Variants in RILPL2 observed in about 807,000 individuals in gnomAD.
The protein encoded by RILPL2 is Rab interacting lysosomal protein like 2.
RILPL2 carries 19 observed loss-of-function variants against 22.2 expected under a neutral mutation model. That is an observed-to-expected ratio of 0.86 (90% CI 0.60 to 1.25). The LOEUF (loss-of-function observed/expected upper bound fraction) is 1.25. RILPL2 is among the 50% of genes most tolerant of loss of function. RILPL2 has a pLI of 0.00. For missense variants in RILPL2, 243 were observed against 263.6 expected (o/e 0.92, Z 0.54); for synonymous variants, 123 against 111.6 (o/e 1.10, Z -0.64).
chr12:123,427,226 G>T (rs1437591127), intron 2 of RILPL2, among the ~76,000 whole-genome samples: 1 of 152,112 alleles, frequency 6.6e-6, no homozygotes, highest in African/African-American at 2.4e-5. Context: ...GGTGCGCCCT[G>T]GTTCTCCTTC....
the RILPL2 span, chr12:123,409,334 A>G: frequency 1.3e-5 from 2 of 152,190 alleles, no homozygotes; most frequent in Admixed American, 6.6e-5. Flanking sequence ...AAACAAATTA[A>G]AATATTTATT....
At chr12:123,426,689 C>T (rs1271503065) in intron 2 of RILPL2, among the ~76,000 whole-genome samples, 1 of 151,430 alleles carries the variant, frequency 6.6e-6, no homozygotes, top group Non-Finnish European at 1.5e-5. Flanking sequence ...CAGGCTCTGC[C>T]CCCCGGGGCT....
At chr12:123,425,039 C>T (rs1163249214) in intron 2 of RILPL2, among the ~76,000 whole-genome samples, 1 of 151,636 alleles carries the variant, frequency 6.6e-6, no homozygotes, top group African/African-American at 2.4e-5. Flanking sequence ...GCCACCACGC[C>T]CGGCTAATTT....
chr12:123,416,523 C>A (rs926473706), intron 3 of RILPL2, among the ~76,000 whole-genome samples: 1 of 151,754 alleles, frequency 6.6e-6, no homozygotes, highest in Non-Finnish European at 1.5e-5. Flanking sequence ...CCTGTAGTCC[C>A]AGCTGCCTCG....
At chr12:123,429,614 G>A (rs939053392) in intron 2 of RILPL2, among the ~76,000 whole-genome samples, 3 of 147,256 alleles carry the variant, frequency 2.0e-5, no homozygotes, top group African/African-American at 7.5e-5. Context: ...GTTTTGTTTC[G>A]TTTTTTTTTT....
rs1266188530 is a variant in RILPL2 at position 123,436,368 on chromosome 12, T to A, written c.53A>T (p.Glu18Val). 6.4e-6 allele frequency: 10 copies of A among 1,554,008 alleles called. No homozygotes were observed. The highest frequency in any genetic ancestry group is 7.8e-6 in the Non-Finnish European group (9 of 1,148,594). Residue 18 changes from glutamate (E) to valine (V), a missense_variant, in exon 1 of 4, where the codon GAG becomes GTG. Glu to Val is a moderately radical substitution (Grantham distance 121). Transcript: ENST00000280571. This position sits in a 1 kb window ranked among gnomAD's most constrained non-coding sequence, Gnocchi z 6.7. ...CTCGGGCCCAACCTCGTCCCTCTCC[T>A]CGTCCTCCTCTCCCTCCTCCTCTTC... Reference protein sequence around the residue: ...EEEEEEGEEDEERDEVGPEGA... With the variant: ...EEEEEEGEEDVERDEVGPEGA...
downstream of RILPL2, chr12:123,413,621 GAAC>G (rs1419338610): frequency 6.6e-6 from 1 of 152,246 alleles, no homozygotes; most frequent in Non-Finnish European, 1.5e-5. Flanking sequence ...AAGAACAAAA[GAAC>G]AAAGCTTCCA....
At chr12:123,428,573 T>A (rs1308028411) in intron 2 of RILPL2, among the ~76,000 whole-genome samples, 1 of 152,220 alleles carries the variant, frequency 6.6e-6, no homozygotes, top group Non-Finnish European at 1.5e-5. Context: ...ATTTAAGGCA[T>A]TTAAAGAATC....
chr12:123,430,364 G>C (rs557066368), intron 2 of RILPL2, 144 bp downstream of exon 2: 131 of 623,368 alleles, frequency 2.1e-4, no homozygotes, highest in Middle Eastern at 6.1e-4. Flanking sequence ...AGCCGAGATC[G>C]CGCCACTGCA....
At chr12:123,418,756 C>CTTTTTTT (rs1202023726) in intron 3 of RILPL2, among the ~76,000 whole-genome samples, 9 of 96,248 alleles carry the variant, frequency 9.4e-5, no homozygotes, top group Admixed American at 2.5e-4. Context: ...CTTTTTCTTT[C>CTTTTTTT]TTTTTTTTTT....
At chr12:123,431,956 A>G (rs1048731543) in intron 1 of RILPL2, among the ~76,000 whole-genome samples, 5 of 151,248 alleles carry the variant, frequency 3.3e-5, no homozygotes, top group Non-Finnish European at 5.9e-5. Flanking sequence ...GTGCGGTGGC[A>G]TGATCTCAGC....
chr12:123,420,871 G>A (rs999994502), intron 3 of RILPL2, among the ~76,000 whole-genome samples: 2 of 152,036 alleles, frequency 1.3e-5, no homozygotes, highest in African/African-American at 2.4e-5. Flanking sequence ...AAATAGATGC[G>A]GCTTCAGGTC....
At position 123,436,227 on chromosome 12, in the gene RILPL2, T is replaced by A; in HGVS notation, c.194A>T (p.Gln65Leu). The A allele has an allele frequency of 6.2e-7, 1 of 1,612,568 alleles. No homozygotes were observed. Among genetic ancestry groups the A allele is most frequent in the Non-Finnish European group, 8.5e-7 (1 of 1,179,418 alleles). ...LGSDPRVTQL[Q>L]FKVVRVLEML... ...CTCCAGGACGCGGACGACTTTGAAC[T>A]GCAGCTGCGTCACCCGGGGGTCGCT... Residue 65 changes from glutamine to leucine, a missense_variant, in exon 1 of 4, where the codon CAG (glutamine) becomes CTG (leucine). Physicochemically the swap from Gln to Leu is moderately radical, Grantham distance 113. Coordinates refer to ENST00000280571, the MANE Select transcript of RILPL2 (RefSeq NM_145058.3). This position sits in a 1 kb window ranked among gnomAD's most constrained non-coding sequence, Gnocchi z 6.7.
chr12:123,428,405 G>C (rs1879504600), intron 2 of RILPL2, among the ~76,000 whole-genome samples: 1 of 152,120 alleles, frequency 6.6e-6, no homozygotes, highest in Non-Finnish European at 1.5e-5. Flanking sequence ...CAAAGTGCTG[G>C]GATTACAGGC....
intron 2 of RILPL2, among the ~76,000 whole-genome samples, chr12:123,423,580 G>A (rs1879350241): frequency 2.6e-5 from 4 of 151,816 alleles, no homozygotes; most frequent in African/African-American, 7.3e-5. Flanking sequence ...GTAATATTAC[G>A]GTTGAAAGCA....
At chr12:123,429,944 T>C (rs1199164038) in intron 2 of RILPL2, among the ~76,000 whole-genome samples, 1 of 151,208 alleles carries the variant, frequency 6.6e-6, no homozygotes, top group Non-Finnish European at 1.5e-5. Context: ...GGCGAGACCC[T>C]GTCTCTACAA....
chr12:123,413,515 A>C (rs1879030030), downstream of RILPL2: 1 of 153,076 alleles, frequency 6.5e-6, no homozygotes, highest in Non-Finnish European at 1.5e-5. Flanking sequence ...TGGTCTCCCT[A>C]GCTTCAGGAG....
intron 2 of RILPL2, among the ~76,000 whole-genome samples, chr12:123,425,390 G>A (rs940454910): frequency 5.9e-5 from 9 of 151,362 alleles, no homozygotes; most frequent in African/African-American, 1.7e-4. Context: ...TGTTGGCCAC[G>A]CTGGTTTTGA....
chr12:123,420,467 C>T (rs182858780), intron 3 of RILPL2, among the ~76,000 whole-genome samples: 75 of 145,402 alleles, frequency 5.2e-4, no homozygotes, highest in African/African-American at 1.6e-3. Context: ...GACAGAGTCT[C>T]GTTTTGTTGC....
Sources: gnomAD v4.1 joint callset for allele counts (sites outside exome capture counted in the v4.1 genomes callset) on GRCh38, gnomAD v4.1.1 for gene constraint, Gnocchi (gnomAD v3.1) non-coding constraint, MANE v1.5 for transcripts, NCBI Gene and HGNC (gene_info 2026-07-23, HGNC 2026-07-21) for gene names.